Variants in DMRT1 observed in about 807,000 individuals in gnomAD.
DMRT1 encodes doublesex- and mab-3-related transcription factor 1.
Under a neutral mutation model 32.3 loss-of-function variants are expected in DMRT1, and 7 were observed. The ratio of observed to expected loss-of-function variants is 0.22; its 90% CI spans 0.12 to 0.41. The LOEUF (loss-of-function observed/expected upper bound fraction) is 0.41, where lower values mean the gene tolerates loss of function less well. Among genes scored for constraint, DMRT1 ranks in the 10% least tolerant of loss-of-function variants. The pLI is 1.00. For synonymous variants in DMRT1, 278 were observed against 206.1 expected (o/e 1.35, Z -2.99); for missense variants, 625 against 500.5 (o/e 1.25, Z -2.37).
rs138244811 is a variant in DMRT1 at position 967,951 on chromosome 9, C to CCTTTCTCT, written c.968-23_968-16dup. 169,121 of 1,601,990 alleles carry CCTTTCTCT rather than the reference C, an allele frequency of 0.11. 10,343 individuals carry two copies. The highest frequency in any genetic ancestry group is 0.2 in the African/African-American group (14,686 of 74,526). On this transcript the variant is annotated intron_variant, in intron 4 of 4. Transcript: ENST00000382276. ...CACTTTTAACATTACTCCCTTTCTC[C>CCTTTCTCT]CTTTCTCTCTTTCTCTCTCACCTCA...
intron 3 of DMRT1, among the ~76,000 whole-genome samples, chr9:905,256 A>G (rs1817728030): frequency 6.6e-6 from 1 of 152,302 alleles, no homozygotes; most frequent in South Asian, 2.1e-4. Flanking sequence ...ATTGAGATGC[A>G]CAGCCTCCTG....
chr9:859,463 A>G (rs1162905850), intron 2 of DMRT1, among the ~76,000 whole-genome samples: 1 of 152,162 alleles, frequency 6.6e-6, no homozygotes, highest in African/African-American at 2.4e-5. Flanking sequence ...GTGCTCTCTC[A>G]CGGAGTCTTG....
intron 2 of DMRT1, among the ~76,000 whole-genome samples, chr9:880,710 G>T (rs138553157): frequency 2.5e-5 from 3 of 118,458 alleles, no homozygotes; most frequent in Non-Finnish European, 4.9e-5. Flanking sequence ...TGGGCAACCA[G>T]CAAAACTCAG....
chr9:929,716 T>C (rs1232345693), intron 4 of DMRT1, among the ~76,000 whole-genome samples: 1 of 152,130 alleles, frequency 6.6e-6, no homozygotes, highest in Non-Finnish European at 1.5e-5. Flanking sequence ...GTCCCCCTGT[T>C]TGTGCCAGGC....
chr9:861,678 C>T (rs1343265273), intron 2 of DMRT1, among the ~76,000 whole-genome samples: 16 of 150,662 alleles, frequency 1.1e-4, no homozygotes, highest in African/African-American at 3.9e-4. Flanking sequence ...GACGGGGAAG[C>T]CGGGCAGAGG....
intron 2 of DMRT1, among the ~76,000 whole-genome samples, chr9:862,106 T>C (rs113247830): frequency 0.35 from 24,114 of 69,350 alleles, 3,126 homozygotes; most frequent in East Asian, 0.46. Context: ...GGGTGGCGGC[T>C]GGGCAGAGGC....
At chr9:938,033 G>GT in intron 4 of DMRT1, among the ~76,000 whole-genome samples, 1 of 151,986 alleles carries the variant, frequency 6.6e-6, no homozygotes, top group Non-Finnish European at 1.5e-5. Flanking sequence ...ACAATGTAAG[G>GT]TAAGGATCTA....
intron 4 of DMRT1, among the ~76,000 whole-genome samples, chr9:952,667 T>C (rs1184711466): frequency 1.3e-5 from 2 of 152,344 alleles, no homozygotes; most frequent in East Asian, 3.9e-4. Flanking sequence ...CAGCCAATAA[T>C]GCAGTGAGTG....
At chr9:863,932 G>A (rs1184423788) in intron 2 of DMRT1, among the ~76,000 whole-genome samples, 2 of 152,066 alleles carry the variant, frequency 1.3e-5, no homozygotes, top group African/African-American at 2.4e-5. Flanking sequence ...TGTGGAGATT[G>A]GCCCTTTTTG....
At chr9:959,708 A>T (rs1819709728) in intron 4 of DMRT1, among the ~76,000 whole-genome samples, 2 of 126,016 alleles carry the variant, frequency 1.6e-5, no homozygotes, top group African/African-American at 5.9e-5. Context: ...TTGTATTTCC[A>T]GTAGAGATGG....
At chr9:868,636 G>C (rs75394846) in intron 2 of DMRT1, among the ~76,000 whole-genome samples, 4 of 152,118 alleles carry the variant, frequency 2.6e-5, no homozygotes, top group African/African-American at 9.7e-5. Flanking sequence ...CAAGGTTATC[G>C]TAGGTAGCGT....
At chr9:878,700 C>G (rs1816611441) in intron 2 of DMRT1, among the ~76,000 whole-genome samples, 2 of 152,146 alleles carry the variant, frequency 1.3e-5, no homozygotes, top group African/African-American at 2.4e-5. Context: ...TTTGGTGGCT[C>G]TCTTGCTTGA....
intron 4 of DMRT1, among the ~76,000 whole-genome samples, chr9:937,043 C>T (rs1818910540): frequency 6.6e-6 from 1 of 152,172 alleles, no homozygotes; most frequent in South Asian, 2.1e-4. Context: ...CTTCTACTTT[C>T]CATCTTTATG....
At chr9:956,067 T>C (rs1295072136) in intron 4 of DMRT1, among the ~76,000 whole-genome samples, 2 of 152,360 alleles carry the variant, frequency 1.3e-5, no homozygotes, top group South Asian at 2.1e-4. Context: ...TGTATACGTA[T>C]ACAATGGAAT....
chr9:906,187 AC>A (rs960800925), intron 3 of DMRT1, among the ~76,000 whole-genome samples: 1 of 152,136 alleles, frequency 6.6e-6, no homozygotes, highest in African/African-American at 2.4e-5. Context: ...TTTTCCTGCC[AC>A]CCACAAGTTG....
At chr9:950,590 T>C (rs985281781) in intron 4 of DMRT1, among the ~76,000 whole-genome samples, 1 of 152,176 alleles carries the variant, frequency 6.6e-6, no homozygotes, top group Non-Finnish European at 1.5e-5. Context: ...CAACGAATGA[T>C]AGTAATTATT....
chr9:909,855 G>C (rs1241600909), intron 3 of DMRT1, among the ~76,000 whole-genome samples: 1 of 152,058 alleles, frequency 6.6e-6, no homozygotes, highest in Non-Finnish European at 1.5e-5. Context: ...TGGGAACACA[G>C]GTGTGCACCA....
At chr9:885,312 C>G (rs1816883796) in intron 2 of DMRT1, among the ~76,000 whole-genome samples, 1 of 152,150 alleles carries the variant, frequency 6.6e-6, no homozygotes, top group Non-Finnish European at 1.5e-5. Flanking sequence ...TTCTGTATCC[C>G]CTGGTTCTTG....
intron 4 of DMRT1, among the ~76,000 whole-genome samples, chr9:917,359 C>G (rs1049723158): frequency 1.3e-5 from 2 of 152,136 alleles, no homozygotes; most frequent in African/African-American, 4.8e-5. Context: ...TACAATAGAT[C>G]TCAGAGTTTA....
Sources: allele counts gnomAD v4.1 joint callset (sites outside exome capture counted in the v4.1 genomes callset), GRCh38; gene constraint gnomAD v4.1.1; transcripts MANE v1.5; gene names NCBI Gene and HGNC (gene_info 2026-07-23, HGNC 2026-07-21).